PRKD1: variants seen among roughly 807,000 people sequenced by gnomAD.
PRKD1 encodes serine/threonine-protein kinase D1.
Under a neutral mutation model 95.9 loss-of-function variants are expected in PRKD1, and 63 were observed. That is an observed-to-expected ratio of 0.66 (90% CI 0.54 to 0.81). PRKD1 has a LOEUF of 0.81. Among genes scored for constraint, PRKD1 ranks in the 30% least tolerant of loss-of-function variants. PRKD1 has a pLI of 0.00. For synonymous variants in PRKD1, 425 were observed against 423.1 expected (o/e 1.00, Z -0.05); for missense variants, 1,048 against 1,165.3 (o/e 0.90, Z 1.47).
At chr14:29,891,712 C>T (rs1164276475) in intron 1 of PRKD1, among the ~76,000 whole-genome samples, 3 of 151,036 alleles carry the variant, frequency 2.0e-5, no homozygotes, top group Admixed American at 1.3e-4. Context: ...GCCATATTTG[C>T]GGTGAATTTC....
chr14:29,899,571 C>A (rs1265268969), intron 1 of PRKD1, among the ~76,000 whole-genome samples: 1 of 152,134 alleles, frequency 6.6e-6, no homozygotes, highest in Non-Finnish European at 1.5e-5. Flanking sequence ...TGCTTGAACC[C>A]AGGAGGTGGC....
chr14:29,672,344 A>AT lies in PRKD1; in HGVS notation c.404-6137_404-6136insA, dbSNP rs533174681. 8.1e-3 allele frequency among the ~76,000 whole-genome samples: 1,222 copies of AT among 151,506 alleles called. 20 individuals carry two copies. The highest frequency in any genetic ancestry group is 0.028 in the African/African-American group (1,149 of 41,064). On this transcript the variant is annotated intron_variant, in intron 2 of 17. Coordinates refer to ENST00000331968, the MANE Select transcript of PRKD1 (RefSeq NM_002742.3). ...TGACAGAGCGAGACTCTGTCTCAAA[A>AT]AAAAAATAAAATAAAATAAAATAAA...
At chr14:29,736,698 A>T (rs1886730253) in intron 1 of PRKD1, among the ~76,000 whole-genome samples, 1 of 152,226 alleles carries the variant, frequency 6.6e-6, no homozygotes, top group Non-Finnish European at 1.5e-5. Flanking sequence ...CCAACAATCC[A>T]GGCACTGGTC....
intron 8 of PRKD1, among the ~76,000 whole-genome samples, chr14:29,633,853 G>C (rs1355398913): frequency 6.6e-6 from 1 of 152,166 alleles, no homozygotes; most frequent in Non-Finnish European, 1.5e-5. Context: ...TAAGAGATGA[G>C]AAAAGCAATA....
chr14:29,721,896 G>A (rs45483597), intron 2 of PRKD1, among the ~76,000 whole-genome samples: 967 of 152,046 alleles, frequency 6.4e-3, no homozygotes, highest in Non-Finnish European at 0.011. Flanking sequence ...GCTCACACTA[G>A]TCATGTTTTT....
intron 1 of PRKD1, among the ~76,000 whole-genome samples, chr14:29,818,168 T>A (rs1890767633): frequency 6.6e-6 from 1 of 152,172 alleles, no homozygotes; most frequent in African/African-American, 2.4e-5. Flanking sequence ...AAGCATATTG[T>A]AAGCAAGTGT....
chr14:29,634,376 A>G, intron 8 of PRKD1, 42 bp downstream of exon 8: 1 of 1,613,250 alleles, frequency 6.2e-7, no homozygotes, highest in East Asian at 2.2e-5. Flanking sequence ...CCTCTAATTA[A>G]AGCTAGCAAG....
chr14:29,600,238 C>T (rs980927739), intron 13 of PRKD1, among the ~76,000 whole-genome samples: 1 of 152,070 alleles, frequency 6.6e-6, no homozygotes, highest in Non-Finnish European at 1.5e-5. Flanking sequence ...TGCATCGGGC[C>T]ATGCACTGAT....
chr14:29,675,966 T>C (rs190986317), intron 2 of PRKD1, among the ~76,000 whole-genome samples: 4,599 of 108,918 alleles, frequency 0.042, 147 homozygotes, highest in African/African-American at 0.11. Context: ...ACATCACACA[T>C]CGGGGCCTGT....
intron 1 of PRKD1, among the ~76,000 whole-genome samples, chr14:29,733,324 C>T (rs1056297716): frequency 2.6e-5 from 4 of 151,928 alleles, no homozygotes; most frequent in Admixed American, 2.6e-4. Context: ...GGATGATCTC[C>T]ATCTCCTGGC....
chr14:29,634,779 A>C (rs1775142772), intron 7 of PRKD1, among the ~76,000 whole-genome samples: 1 of 152,070 alleles, frequency 6.6e-6, no homozygotes, highest in African/African-American at 2.4e-5. Flanking sequence ...CACATCTGTA[A>C]TCCCAGCACT....
At chr14:29,743,643 A>G (rs1298449004) in intron 1 of PRKD1, among the ~76,000 whole-genome samples, 2 of 152,170 alleles carry the variant, frequency 1.3e-5, no homozygotes, top group Non-Finnish European at 2.9e-5. Flanking sequence ...ATTCCACCCC[A>G]TTTATAGAAA....
chr14:29,808,091 G>A (rs1423275949), intron 1 of PRKD1, among the ~76,000 whole-genome samples: 1 of 152,122 alleles, frequency 6.6e-6, no homozygotes, highest in East Asian at 1.9e-4. Flanking sequence ...AGATTTCTCT[G>A]TAGCATGTGA....
intron 1 of PRKD1, among the ~76,000 whole-genome samples, chr14:29,880,216 G>A (rs550511817): frequency 9.9e-4 from 150 of 152,248 alleles, no homozygotes; most frequent in Admixed American, 1.5e-3. Context: ...CAGTAGTTTC[G>A]AGGGCCAGGC....
intron 1 of PRKD1, among the ~76,000 whole-genome samples, chr14:29,746,285 A>G (rs746268768): frequency 6.6e-6 from 1 of 152,118 alleles, no homozygotes; most frequent in Non-Finnish European, 1.5e-5. Flanking sequence ...ATATCAATAG[A>G]TAACCACACC....
chr14:29,755,337 C>T (rs1240759551), intron 1 of PRKD1, among the ~76,000 whole-genome samples: 1 of 151,960 alleles, frequency 6.6e-6, no homozygotes, highest in African/African-American at 2.4e-5. Flanking sequence ...TAAATTTCTC[C>T]ATAAAATATA....
Position 29,814,514 on chromosome 14 carries a change from C to T in PRKD1, c.265-88840G>A, listed in dbSNP as rs533306397. On this transcript the variant is annotated intron_variant, in intron 1 of 17. Transcript: ENST00000331968. ...TACATCAGTATACTAAGGAACTGGG[C>T]TTTTTCCCTGCCCTGTCTGGGCACC... Among the ~76,000 whole-genome samples, 30 of 152,284 alleles carry T rather than the reference C, an allele frequency of 2.0e-4. No homozygotes were observed. In the South Asian group the frequency reaches 6.0e-3, roughly 31 times the overall value.
At chr14:29,775,861 T>C (rs1219641072) in intron 1 of PRKD1, among the ~76,000 whole-genome samples, 1 of 152,184 alleles carries the variant, frequency 6.6e-6, no homozygotes, top group Non-Finnish European at 1.5e-5. Context: ...AGTGGGCCCC[T>C]GACCCCCGAG....
rs542945310 is a variant in PRKD1, at chr14:29,765,921, G to A, written c.265-40247C>T. On this transcript the variant is annotated intron_variant, in intron 1 of 17. Coordinates refer to ENST00000331968, the MANE Select transcript of PRKD1 (RefSeq NM_002742.3). ...ACTGAAAAGGGAAACAGGAGAGCTG[G>A]CAATATTCCTTTTCTAGACCTGGGG... is the stretch of plus-strand genomic sequence containing the variant. Among the ~76,000 whole-genome samples the A allele has an allele frequency of 3.3e-5, 5 of 152,224 alleles. No homozygotes were observed. The South Asian group carries it at 8.3e-4, about 25-fold the overall frequency.
Sources: gnomAD v4.1 joint callset for allele counts (sites outside exome capture counted in the v4.1 genomes callset) on GRCh38, gnomAD v4.1.1 for gene constraint, MANE v1.5 for transcripts, NCBI Gene and HGNC (gene_info 2026-07-23, HGNC 2026-07-21) for gene names.